The following LOXHD1 variants were observed in gnomAD, a reference collection of about 807,000 sequenced individuals.
LOXHD1 encodes lipoxygenase homology domain-containing protein 1.
Under a neutral mutation model 248.2 loss-of-function variants are expected in LOXHD1, and 205 were observed. The ratio of observed to expected loss-of-function variants is 0.83; its 90% CI spans 0.74 to 0.93. LOXHD1 has a LOEUF of 0.93. LOXHD1 is among the 40% of genes least tolerant of loss of function. The pLI is 0.00. For synonymous variants in LOXHD1, 1,113 were observed against 1,162.8 expected, an observed-to-expected ratio of 0.96 and a Z score of 0.87; for missense variants, 2,930 against 2,971.6, an observed-to-expected ratio of 0.99 and a Z score of 0.33.
In LOXHD1 at chr18:46,577,794, C is replaced by T. The variant is rs138530758; in HGVS notation, c.1883G>A (p.Gly628Asp). The T allele has an allele frequency of 3.2e-4, 500 of 1,551,662 alleles. 4 individuals are homozygous for T. In the East Asian group the frequency reaches 0.012, roughly 37 times the overall value. The change falls in exon 14 of 41, where the codon GGC becomes GAC. Residue 628 changes from glycine (G) to aspartate (D), a missense_variant. Physicochemically the swap from Gly to Asp is moderately conservative, Grantham distance 94. Transcript: ENST00000642948. ...GTCCAGGTACCAGCCGCTGCCGGAG[C>T]CTTTGCCATCGTGTCTGATCCTCAC... ...RRVRIRHDGK[G>D]SGSGWYLDRV...
In LOXHD1 at chr18:46,601,432, CA is replaced by C; in HGVS notation, c.918del (p.Asp306GlufsTer53). On this transcript the variant is annotated frameshift_variant, in exon 8 of 41. Coordinates refer to ENST00000642948, the MANE Select transcript of LOXHD1 (RefSeq NM_001384474.1). LOFTEE classifies it high-confidence loss of function. ...TTGGATTTGGTACCAGCCCCCCGGA[CA>C]TCCCCAGTGAAGACGGTGACAATAT... is the stretch of plus-strand genomic sequence containing the variant. ...ITYIVTVFTG[D>X]VRGAGTKSKI... is the part of the protein sequence containing the mutation. 6.4e-7 allele frequency: 1 copy of C among 1,551,750 alleles called. No individual in the cohort carries two copies. Among genetic ancestry groups the C allele is most frequent in the Non-Finnish European group, 8.7e-7 (1 of 1,147,022 alleles).
chr18:46,508,608 T>C (rs2034739329), intron 35 of LOXHD1, among the ~76,000 whole-genome samples: 1 of 152,246 alleles, frequency 6.6e-6, no homozygotes, highest in Admixed American at 6.5e-5. Context: ...CTCTAGTCCA[T>C]GGTGCTTTGT....
chr18:46,555,167 G>A (rs1451322151), intron 21 of LOXHD1: 1 of 470,976 alleles, frequency 2.1e-6, no homozygotes, highest in African/African-American at 2.0e-5. Context: ...TTCACAGTTT[G>A]TCCCCAGCCT....
intron 26 of LOXHD1, among the ~76,000 whole-genome samples, chr18:46,535,103 T>C (rs1484191873): frequency 6.6e-6 from 1 of 152,174 alleles, no homozygotes; most frequent in African/African-American, 2.4e-5. Context: ...CAGGCTCTTG[T>C]TGCATAGTGG....
rs1423634836 is a variant in LOXHD1, at chr18:46,594,387, C to A, written c.1214G>T (p.Gly405Val). 3.9e-6 allele frequency: 6 copies of A among 1,551,556 alleles called. No individual in the cohort carries two copies. The South Asian group carries it at 4.8e-5, about 12-fold the overall frequency. The change falls in exon 9 of 41, where the codon GGG becomes GTG. Residue 405 changes from glycine to valine, a missense_variant. Coordinates refer to ENST00000642948, the MANE Select transcript of LOXHD1 (RefSeq NM_001384474.1). ...SNWLDEKKAD[G>V]LIERQLYEMV... ...CTCATAGAGCTGCCTCTCAATCAAC[C>A]CATCCGCTTTCTTCTCATCCAGCCA...
intron 4 of LOXHD1, among the ~76,000 whole-genome samples, chr18:46,624,944 C>G (rs1332012901): frequency 6.6e-6 from 1 of 152,188 alleles, no homozygotes; most frequent in Non-Finnish European, 1.5e-5. Context: ...CTCTGATCCT[C>G]CGAGAAATTG....
At position 46,609,280 on chromosome 18, in the gene LOXHD1, C is replaced by T. The variant is rs184037555; in HGVS notation, c.759+1496G>A. On this transcript the variant is annotated intron_variant, in intron 6 of 40. Coordinates refer to ENST00000642948, the MANE Select transcript of LOXHD1 (RefSeq NM_001384474.1). ...GCATCAGAAAGCAGCTGCACCAGCC[C>T]TGAGCTGACCACATTTGGATTTCCT... Among the ~76,000 whole-genome samples the T allele has an allele frequency of 4.6e-3, 706 of 152,242 alleles. 15 individuals are homozygous for T. The highest frequency in any genetic ancestry group is 0.026 in the Admixed American group (402 of 15,294).
At chr18:46,623,862 G>A (rs1029885322) in intron 4 of LOXHD1, among the ~76,000 whole-genome samples, 1 of 152,250 alleles carries the variant, frequency 6.6e-6, no homozygotes, top group Non-Finnish European at 1.5e-5. Context: ...AGCCATGAGG[G>A]GGCCGGGCCC....
At chr18:46,554,218 T>G (rs1401431700) in intron 21 of LOXHD1, among the ~76,000 whole-genome samples, 3 of 152,146 alleles carry the variant, frequency 2.0e-5, no homozygotes, top group Non-Finnish European at 4.4e-5. Flanking sequence ...GCTCTTCTGA[T>G]GGAAGGCCCA....
At chr18:46,544,861 T>C (rs1209253479) in intron 23 of LOXHD1, 2 of 471,980 alleles carry the variant, frequency 4.2e-6, no homozygotes, top group Non-Finnish European at 8.8e-6. Context: ...TTTGAGCAAA[T>C]ATATGATGAC....
chr18:46,505,739 G>A (rs2034520695), intron 37 of LOXHD1, 99 bp downstream of exon 37: 1 of 1,287,356 alleles, frequency 7.8e-7, no homozygotes, highest in Non-Finnish European at 1.1e-6. Flanking sequence ...CTGCCACCCT[G>A]GGGTAATCAG....
chr18:46,656,898 C>G lies in LOXHD1; in HGVS notation c.130+6G>C. ...CACCCGCCCCCCGCAGGCTGGGACC[C>G]CGCACCTCTGGCCTTGTAGTACTCG... On this transcript the variant is annotated splice_donor_region_variant and intron_variant, in intron 1 of 40. Coordinates refer to ENST00000642948, the MANE Select transcript of LOXHD1 (RefSeq NM_001384474.1). 1 of 1,551,412 alleles carries G rather than the reference C, an allele frequency of 6.4e-7. No homozygotes were observed. Among genetic ancestry groups the G allele is most frequent in the Non-Finnish European group, 8.7e-7 (1 of 1,146,776 alleles).
rs1163909007 is a variant in LOXHD1, at chr18:46,649,261, C to T, written c.139G>A (p.Val47Met). 1 of 1,551,588 alleles carries T rather than the reference C, an allele frequency of 6.4e-7. No homozygotes were observed. The highest frequency in any genetic ancestry group is 1.4e-5 in the African/African-American group (1 of 73,162). The stretch of plus-strand genomic sequence containing the variant: ...CGAACATCCCCCGTGGCTGTGACCA[C>T]TTCATACACTGGAGGAGGAGAGGAG... ...HEYYKARVYE[V>M]VTATGDVRGA... Residue 47 changes from valine (V) to methionine (M), a missense_variant, in exon 2 of 41, where the codon GTG becomes ATG. Coordinates refer to ENST00000642948, the MANE Select transcript of LOXHD1 (RefSeq NM_001384474.1).
intron 1 of LOXHD1, among the ~76,000 whole-genome samples, chr18:46,649,876 G>C (rs16939899): frequency 0.19 from 29,146 of 151,956 alleles, 3,040 homozygotes; most frequent in East Asian, 0.38. Context: ...TAGCCCTATC[G>C]ACTTCCTGGA....
chr18:46,489,129 G>A lies in LOXHD1; in HGVS notation c.5892C>T (p.Gly1964=). The part of the protein sequence containing the change: ...VWHDNKGIFP[G]WHLSYVDVKD... Reference sequence around the variant, plus strand: ...TCACATCGACATAGCTCAGATGCCAGCCAGGAAATATCCCTGTGGAAAAGA... The same window carrying A: ...TCACATCGACATAGCTCAGATGCCAACCAGGAAATATCCCTGTGGAAAAGA... Residue 1964 remains glycine (G), a synonymous_variant, in exon 38 of 41, where the codon GGC becomes GGT. Coordinates refer to ENST00000642948, the MANE Select transcript of LOXHD1 (RefSeq NM_001384474.1). 6.4e-7 allele frequency: 1 copy of A among 1,551,656 alleles called. No homozygotes were observed. The highest frequency in any genetic ancestry group is 2.0e-5 in the Admixed American group (1 of 50,992).
At chr18:46,529,846 C>T (rs2144227936) in intron 28 of LOXHD1, among the ~76,000 whole-genome samples, 1 of 152,260 alleles carries the variant, frequency 6.6e-6, no homozygotes, top group South Asian at 2.1e-4. Context: ...AACCCACTGC[C>T]ACCCTCCCCT....
At chr18:46,646,817 C>T (rs981502471) in intron 2 of LOXHD1, among the ~76,000 whole-genome samples, 49 of 152,240 alleles carry the variant, frequency 3.2e-4, no homozygotes, top group Admixed American at 3.1e-3. Flanking sequence ...TCGCTCTAGC[C>T]ACACTGATAC....
At chr18:46,511,716 G>T (rs1836594354) in intron 34 of LOXHD1, among the ~76,000 whole-genome samples, 1 of 152,218 alleles carries the variant, frequency 6.6e-6, no homozygotes, top group African/African-American at 2.4e-5. Context: ...CAGCAGATGG[G>T]GATGGATGGT....
intron 4 of LOXHD1, among the ~76,000 whole-genome samples, chr18:46,625,468 C>A (rs2038728297): frequency 6.6e-6 from 1 of 150,624 alleles, no homozygotes; most frequent in Non-Finnish European, 1.5e-5. Context: ...ACATAAAATA[C>A]ATTAACACTA....
Sources: gnomAD v4.1 joint callset for allele counts (sites outside exome capture counted in the v4.1 genomes callset) on GRCh38, gnomAD v4.1.1 for gene constraint, MANE v1.5 for transcripts, NCBI Gene and HGNC (gene_info 2026-07-23, HGNC 2026-07-21) for gene names.